Variants in TMEM64 observed in about 807,000 individuals in gnomAD.
The protein encoded by TMEM64 is transmembrane protein 64.
A neutral mutation model predicts 24.5 loss-of-function variants in TMEM64; 19 were observed. The ratio of observed to expected loss-of-function variants is 0.78; its 90% CI spans 0.54 to 1.14. The LOEUF (loss-of-function observed/expected upper bound fraction) is 1.14, where lower values mean the gene tolerates loss of function less well. Among genes scored for constraint, TMEM64 ranks in the 50% most tolerant of loss-of-function variants. The pLI, the probability that TMEM64 is intolerant of heterozygous loss-of-function variation, is 0.00. For synonymous variants in TMEM64, 262 were observed against 224.7 expected, an observed-to-expected ratio of 1.17 and a Z score of -1.49; for missense variants, 487 against 493.0, an observed-to-expected ratio of 0.99 and a Z score of 0.12.
At chr8:90,633,097 C>T (rs1809464372) in intron 1 of TMEM64, among the ~76,000 whole-genome samples, 1 of 152,116 alleles carries the variant, frequency 6.6e-6, no homozygotes, top group Non-Finnish European at 1.5e-5. Flanking sequence ...GATCCCTTCC[C>T]CTAGAGCGTG....
At chr8:90,642,734 C>A (rs1001804684) in intron 1 of TMEM64, among the ~76,000 whole-genome samples, 3 of 150,078 alleles carry the variant, frequency 2.0e-5, no homozygotes, top group Non-Finnish European at 4.4e-5. Flanking sequence ...TATCCAGGGG[C>A]TTCACAGTCC....
At position 90,645,702 on chromosome 8, in the gene TMEM64, G is replaced by A. The variant is rs536626152; in HGVS notation, c.204C>T (p.Ala68=). ...AAAASGALLG[A]YLERHGPPEA... ...CGGGCGGACCGTGGCGCTCCAGATA[G>A]GCGCCGAGCAGGGCGCCCGAGGCCG... is the stretch of plus-strand genomic sequence containing the variant. Residue 68 remains alanine, a synonymous_variant, in exon 1 of 3, where the codon GCC becomes GCT. Coordinates refer to ENST00000458549, the MANE Select transcript of TMEM64 (RefSeq NM_001008495.4). The surrounding 1 kb of genome is among the most constrained non-coding windows in gnomAD (Gnocchi z 4.2). The A allele has an allele frequency of 5.4e-6, 7 of 1,305,246 alleles. No individual in the cohort carries two copies. The highest frequency in any genetic ancestry group is 2.1e-5 in the South Asian group (1 of 46,830). The allele number at this position is 1,305,246 out of a possible 1,614,324, so 80.9% of individuals were successfully genotyped here.
At position 90,623,494 on chromosome 8, in the gene TMEM64, A is replaced by G. The variant is rs1809311918; in HGVS notation, c.*2177T>C. On this transcript the variant is annotated 3_prime_UTR_variant, in exon 3 of 3. Transcript: ENST00000458549. The stretch of plus-strand genomic sequence containing the variant: ...GATGCTGGAAATGCTGAAGAAAAGA[A>G]AAACCACAGCCACAGATTGGTATTT... 1.3e-5 allele frequency: 2 copies of G among 152,670 alleles called. No individual in the cohort carries two copies. Among genetic ancestry groups the G allele is most frequent in the South Asian group, 4.1e-4 (2 of 4,832 alleles). 9.5% of individuals were successfully genotyped at this position (152,670 alleles called of 1,614,324 possible).
intron 1 of TMEM64, among the ~76,000 whole-genome samples, chr8:90,643,991 A>C (rs1358735415): frequency 2.0e-5 from 3 of 152,244 alleles, no homozygotes; most frequent in Non-Finnish European, 2.9e-5. Context: ...ATTATTCCTA[A>C]TTCAAAACAA....
At chr8:90,635,116 G>A (rs1809496544) in intron 1 of TMEM64, among the ~76,000 whole-genome samples, 1 of 152,150 alleles carries the variant, frequency 6.6e-6, no homozygotes, top group Non-Finnish European at 1.5e-5. Context: ...TTTACACACT[G>A]ACAAATACAC....
At chr8:90,638,644 G>C (rs1162340135) in intron 1 of TMEM64, among the ~76,000 whole-genome samples, 1 of 152,082 alleles carries the variant, frequency 6.6e-6, no homozygotes, top group African/African-American at 2.4e-5. Flanking sequence ...CTATATATTA[G>C]TTGCTAAATA....
rs1438657617 is a variant in TMEM64 at position 90,645,184 on chromosome 8, C to A, written c.722G>T (p.Gly241Val). 6.2e-7 allele frequency: 1 copy of A among 1,614,164 alleles called. No homozygotes were observed. Among genetic ancestry groups the A allele is most frequent in the East Asian group, 2.2e-5 (1 of 44,872 alleles). Residue 241 changes from glycine to valine, a missense_variant, in exon 1 of 3, where the codon GGA becomes GTA. Around this residue, in one of 3 missense-constraint regions of TMEM64, gnomAD observed 419 missense variants for 407.5 expected, o/e 1.03. Transcript: ENST00000458549. The surrounding 1 kb of genome is among the most constrained non-coding windows in gnomAD (Gnocchi z 4.2). ...LSAVIRVVEG[G>V]SGLKVVALAR... ...CAGCGCCACCACTTTCAGGCCGCTT[C>A]CTCCCTCCACTACGCGAATAACCGC...
chr8:90,625,430 G>A lies in TMEM64; in HGVS notation c.*241C>T. 2.7e-6 allele frequency: 1 copy of A among 377,012 alleles called. No individual in the cohort carries two copies. Among genetic ancestry groups the A allele is most frequent in the Non-Finnish European group, 4.8e-6 (1 of 209,870 alleles). The allele number at this position is 377,012 out of a possible 1,614,324, so 23.4% of individuals were successfully genotyped here. A position where few individuals can be genotyped will look rare whatever the true frequency, so the allele number is the denominator to read the frequency against. The stretch of plus-strand genomic sequence containing the variant: ...AATAAAACAATTAAAAAACACTAAA[G>A]TGCAGACCTATAGGCCAATACAGGC... On this transcript the variant is annotated 3_prime_UTR_variant, in exon 3 of 3. Transcript: ENST00000458549.
At chr8:90,642,131 A>C (rs1586131734) in intron 1 of TMEM64, among the ~76,000 whole-genome samples, 1 of 152,138 alleles carries the variant, frequency 6.6e-6, no homozygotes, top group Non-Finnish European at 1.5e-5. Context: ...GAATACAACT[A>C]CCTCCACCAC....
At chr8:90,632,702 G>T (rs192230454) in intron 1 of TMEM64, among the ~76,000 whole-genome samples, 1 of 152,060 alleles carries the variant, frequency 6.6e-6, no homozygotes, top group Admixed American at 6.5e-5. Context: ...CAGGCAATCC[G>T]CCCACCTCAG....
At chr8:90,626,662 G>A (rs987788332) in intron 2 of TMEM64, among the ~76,000 whole-genome samples, 5 of 129,342 alleles carry the variant, frequency 3.9e-5, no homozygotes, top group East Asian at 2.2e-4. Context: ...ATGGAGTCTC[G>A]CTCTGTCGCC....
At position 90,645,867 on chromosome 8, in the gene TMEM64, G is replaced by C; in HGVS notation, c.39C>G (p.Pro13=). The C allele has an allele frequency of 8.8e-7, 1 of 1,137,236 alleles. No homozygotes were observed. Among genetic ancestry groups the C allele is most frequent in the Non-Finnish European group, 1.1e-6 (1 of 927,504 alleles). The allele number at this position is 1,137,236 out of a possible 1,614,324, so 70.4% of individuals were successfully genotyped here. A position where few individuals can be genotyped will look rare whatever the true frequency, so the allele number is the denominator to read the frequency against. ...SPGGILLQAL[P]RLLQHAALPG... The stretch of plus-strand genomic sequence containing the variant: ...GGAGGGCGGCGTGCTGCAGCAGCCG[G>C]GGCAGCGCCTGGAGCAGGATCCCGC... The change falls in exon 1 of 3, where the codon CCC becomes CCG. Residue 13 remains proline, a synonymous_variant. Transcript: ENST00000458549. The surrounding 1 kb of genome is among the most constrained non-coding windows in gnomAD (Gnocchi z 4.2).
chr8:90,628,550 C>T (rs546622803), intron 2 of TMEM64, among the ~76,000 whole-genome samples: 16 of 152,092 alleles, frequency 1.1e-4, no homozygotes, highest in Non-Finnish European at 2.2e-4. Flanking sequence ...AGTTAAATAT[C>T]AATGTGTCTG....
chr8:90,625,538 T>C lies in TMEM64; in HGVS notation c.*133A>G, dbSNP rs1174434264. The C allele has an allele frequency of 2.8e-6, 2 of 705,762 alleles. No individual in the cohort carries two copies. Among genetic ancestry groups the C allele is most frequent in the South Asian group, 2.9e-5 (1 of 34,038 alleles). The allele number at this position is 705,762 out of a possible 1,614,324, so 43.7% of individuals were successfully genotyped here. On this transcript the variant is annotated 3_prime_UTR_variant, in exon 3 of 3. Coordinates refer to ENST00000458549, the MANE Select transcript of TMEM64 (RefSeq NM_001008495.4). ...TGATTCTTGCTTTAAAAAAAAAAAA[T>C]TGTGCAATTTAAAAACTAGTCAGTT... is the stretch of plus-strand genomic sequence containing the variant.
intron 1 of TMEM64, among the ~76,000 whole-genome samples, chr8:90,634,350 A>T (rs1809483569): frequency 6.6e-6 from 1 of 152,246 alleles, no homozygotes; most frequent in Non-Finnish European, 1.5e-5. Flanking sequence ...GAACTAAAAC[A>T]TGGGTATCTC....
At position 90,645,686 on chromosome 8, in the gene TMEM64, C is replaced by A. The variant is rs1198206719; in HGVS notation, c.220G>T (p.Gly74Cys). The A allele has an allele frequency of 3.4e-6, 5 of 1,474,756 alleles. No individual in the cohort carries two copies. The highest frequency in any genetic ancestry group is 1.3e-5 in the South Asian group (1 of 74,964). The allele number at this position is 1,474,756 out of a possible 1,614,324, so 91.4% of individuals were successfully genotyped here. A position where few individuals can be genotyped will look rare whatever the true frequency, so the allele number is the denominator to read the frequency against. Residue 74 changes from glycine to cysteine, a missense_variant, in exon 1 of 3, where the codon GGT becomes TGT. Gly to Cys is a radical substitution (Grantham distance 159). Around this residue, in one of 3 missense-constraint regions of TMEM64, gnomAD observed 419 missense variants for 407.5 expected, o/e 1.03. Transcript: ENST00000458549. This position sits in a 1 kb window ranked among gnomAD's most constrained non-coding sequence, Gnocchi z 4.2. ...ALLGAYLERH[G>C]PPEASELPEP... is the part of the protein sequence containing the mutation. ...GGCAGCTCCGAAGCCTCGGGCGGAC[C>A]GTGGCGCTCCAGATAGGCGCCGAGC... is the stretch of plus-strand genomic sequence containing the variant.
chr8:90,630,870 T>C (rs929551605), intron 2 of TMEM64, among the ~76,000 whole-genome samples: 27 of 152,214 alleles, frequency 1.8e-4, no homozygotes, highest in African/African-American at 6.3e-4. Context: ...CACAAATAAA[T>C]TTTAACTATT....
intron 1 of TMEM64, among the ~76,000 whole-genome samples, chr8:90,632,463 C>T (rs1200123189): frequency 6.6e-6 from 1 of 152,132 alleles, no homozygotes; most frequent in Non-Finnish European, 1.5e-5. Context: ...GCTGGGACTA[C>T]AGGCGCCCGC....
At chr8:90,630,294 T>C (rs1223952801) in intron 2 of TMEM64, among the ~76,000 whole-genome samples, 1 of 152,230 alleles carries the variant, frequency 6.6e-6, no homozygotes, top group African/African-American at 2.4e-5. Flanking sequence ...GTAGTTATTG[T>C]AATACTTTTT....
Sources: allele counts gnomAD v4.1 joint callset (sites outside exome capture counted in the v4.1 genomes callset), GRCh38; gene constraint gnomAD v4.1.1; regional missense constraint gnomAD v4.1.1; non-coding constraint Gnocchi (gnomAD v3.1); transcripts MANE v1.5; gene names NCBI Gene and HGNC (gene_info 2026-07-23, HGNC 2026-07-21).